The following TP53BP2 variants were observed in gnomAD, a reference collection of about 807,000 sequenced individuals.
The protein encoded by TP53BP2 is tumor protein p53 binding protein 2.
Under a neutral mutation model 126.2 loss-of-function variants are expected in TP53BP2, and 62 were observed. The observed-to-expected ratio is 0.49, with a 90% CI of 0.40 to 0.61. TP53BP2 has a LOEUF of 0.61. Among genes scored for constraint, TP53BP2 ranks in the 20% least tolerant of loss-of-function variants. The pLI, the probability that TP53BP2 is intolerant of heterozygous loss-of-function variation, is 0.00. For missense variants in TP53BP2, 1,215 were observed against 1,402.8 expected, an observed-to-expected ratio of 0.87 and a Z score of 2.14; for synonymous variants, 485 against 502.9, an observed-to-expected ratio of 0.96 and a Z score of 0.48.
chr1:223,786,883 G>C (rs1661986761), intron 16 of TP53BP2, among the ~76,000 whole-genome samples: 1 of 151,572 alleles, frequency 6.6e-6, no homozygotes, highest in Admixed American at 6.6e-5. Context: ...TGGGATTATA[G>C]GCGTGAGCCA....
At chr1:223,816,027 G>GT (rs1445905812) in intron 2 of TP53BP2, among the ~76,000 whole-genome samples, 2 of 152,176 alleles carry the variant, frequency 1.3e-5, no homozygotes, top group African/African-American at 4.8e-5. Context: ...ACACATGACT[G>GT]TATCTCCTTG....
chr1:223,834,621 T>C (rs1340815026), intron 1 of TP53BP2, among the ~76,000 whole-genome samples: 1 of 152,200 alleles, frequency 6.6e-6, no homozygotes, highest in Non-Finnish European at 1.5e-5. Context: ...TATTAAGACC[T>C]AAAATTTATT....
At chr1:223,841,912 CT>C (rs779473003) in intron 1 of TP53BP2, among the ~76,000 whole-genome samples, 280 of 142,272 alleles carry the variant, frequency 2.0e-3, no homozygotes, top group Admixed American at 1.7e-3. Flanking sequence ...CTTTCTCTTT[CT>C]TTTTTTTTTT....
Position 223,814,367 on chromosome 1 carries a change from G to T in TP53BP2, c.176-14C>A. On this transcript the variant is annotated splice_polypyrimidine_tract_variant and intron_variant, in intron 2 of 17. Coordinates refer to ENST00000343537, the MANE Select transcript of TP53BP2 (RefSeq NM_001031685.3). ...CAACTGGACGTTCTAAAGCAAATGA[G>T]TAGAAACCACATTATTTTCAGGTAA... 1 of 1,546,920 alleles carries T rather than the reference G, an allele frequency of 6.5e-7. No individual in the cohort carries two copies. Among genetic ancestry groups the T allele is most frequent in the Non-Finnish European group, 8.9e-7 (1 of 1,120,468 alleles).
In TP53BP2 at chr1:223,822,935, A is replaced by G. The variant is rs1213014048; in HGVS notation, c.28-1568T>C. Among the ~76,000 whole-genome samples, 6 of 152,224 alleles carry G rather than the reference A, an allele frequency of 3.9e-5. No individual in the cohort carries two copies. In the South Asian group the frequency reaches 1.0e-3, roughly 26 times the overall value. On this transcript the variant is annotated intron_variant, in intron 1 of 17. Transcript: ENST00000343537. ...CAGTATGTATCAGGATTAAAAAATAATAATTTGAAAGCGTTACCTCACAGT... is the reference window on the plus strand; with the variant it reads ...CAGTATGTATCAGGATTAAAAAATAGTAATTTGAAAGCGTTACCTCACAGT...
rs189304283 is a variant in TP53BP2, at chr1:223,809,507, C to G, written c.372+924G>C. Among the ~76,000 whole-genome samples the G allele has an allele frequency of 1.1e-3, 170 of 151,844 alleles. 1 individual carries two copies. The highest frequency in any genetic ancestry group is 0.011 in the Admixed American group (170 of 15,270). ...GCTTGAACCCAGGAGGTGGAGGTTGCAGTGAGCCGAGATCACACCACTGCA... is the reference window on the plus strand; with the variant it reads ...GCTTGAACCCAGGAGGTGGAGGTTGGAGTGAGCCGAGATCACACCACTGCA... On this transcript the variant is annotated intron_variant, in intron 4 of 17. Coordinates refer to ENST00000343537, the MANE Select transcript of TP53BP2 (RefSeq NM_001031685.3).
chr1:223,821,883 C>CA (rs953667611), intron 1 of TP53BP2, among the ~76,000 whole-genome samples: 1 of 148,364 alleles, frequency 6.7e-6, no homozygotes, highest in Non-Finnish European at 1.5e-5. Context: ...ATTACCTATT[C>CA]AAAAAATTGT....
At chr1:223,825,810 A>G (rs904985499) in intron 1 of TP53BP2, 1 of 152,314 alleles carries the variant, frequency 6.6e-6, no homozygotes, top group South Asian at 2.1e-4. Context: ...AAGTCAAAAA[A>G]ATAAACACCA....
At chr1:223,841,271 A>AT (rs59558003) in intron 1 of TP53BP2, among the ~76,000 whole-genome samples, 18 of 152,130 alleles carry the variant, frequency 1.2e-4, no homozygotes, top group African/African-American at 3.6e-4. Context: ...AAATAAATAA[A>AT]AGAAATATTT....
chr1:223,830,293 G>C (rs924396990), intron 1 of TP53BP2, among the ~76,000 whole-genome samples: 1 of 152,188 alleles, frequency 6.6e-6, no homozygotes, highest in Non-Finnish European at 1.5e-5. Context: ...CACTCAGAAA[G>C]TTTTCAATTC....
At chr1:223,843,459 G>A (rs1435673046) in intron 1 of TP53BP2, among the ~76,000 whole-genome samples, 6 of 152,140 alleles carry the variant, frequency 3.9e-5, no homozygotes, top group Non-Finnish European at 5.9e-5. Context: ...ATGAGCCACC[G>A]CTCCTGGCCT....
intron 1 of TP53BP2, among the ~76,000 whole-genome samples, chr1:223,837,984 G>A (rs1663980196): frequency 7.2e-6 from 1 of 139,582 alleles, no homozygotes; most frequent in South Asian, 2.6e-4. Flanking sequence ...CTCTGCACCA[G>A]TCCCTAGGAA....
At chr1:223,801,529 C>T (rs1379280839) in intron 9 of TP53BP2, among the ~76,000 whole-genome samples, 1 of 152,226 alleles carries the variant, frequency 6.6e-6, no homozygotes, top group Non-Finnish European at 1.5e-5. Context: ...TCTCCCCACA[C>T]TTTTTCCTCC....
chr1:223,804,915 A>G (rs941343943), intron 5 of TP53BP2, among the ~76,000 whole-genome samples: 6 of 152,242 alleles, frequency 3.9e-5, no homozygotes, highest in Admixed American at 1.3e-4. Flanking sequence ...GATATTTTAC[A>G]TAGTATATAC....
intron 5 of TP53BP2, among the ~76,000 whole-genome samples, chr1:223,806,079 A>C (rs1662704321): frequency 6.6e-6 from 1 of 151,784 alleles, no homozygotes; most frequent in Non-Finnish European, 1.5e-5. Flanking sequence ...GTGGATAAAG[A>C]ATGTTCCCCA....
chr1:223,844,300 G>A (rs1043327920), intron 1 of TP53BP2, among the ~76,000 whole-genome samples: 12 of 152,168 alleles, frequency 7.9e-5, no homozygotes, highest in African/African-American at 2.7e-4. Flanking sequence ...TACCTTGGTA[G>A]GGTATCTCCA....
At chr1:223,793,514 T>G in intron 13 of TP53BP2, 74 bp from the exon 14 acceptor site, 16 of 1,365,000 alleles carry the variant, frequency 1.2e-5, no homozygotes, top group African/African-American at 1.5e-5. Context: ...TGGGAAGGAA[T>G]GACTTCTCAC....
chr1:223,800,360 G>A (rs1662487367), intron 10 of TP53BP2, among the ~76,000 whole-genome samples: 1 of 152,130 alleles, frequency 6.6e-6, no homozygotes, highest in East Asian at 1.9e-4. Flanking sequence ...GTGGAAGCGG[G>A]TAGATCACTT....
chr1:223,828,633 T>C (rs1661135307), intron 1 of TP53BP2, among the ~76,000 whole-genome samples: 1 of 152,200 alleles, frequency 6.6e-6, no homozygotes, highest in South Asian at 2.1e-4. Context: ...TATATTAGAA[T>C]GGAATATTAT....
Sources: allele counts gnomAD v4.1 joint callset (sites outside exome capture counted in the v4.1 genomes callset), GRCh38; gene constraint gnomAD v4.1.1; transcripts MANE v1.5; gene names NCBI Gene and HGNC (gene_info 2026-07-23, HGNC 2026-07-21).